B4GALNT3: variants seen among roughly 807,000 people sequenced by gnomAD.
The protein encoded by B4GALNT3 is beta-1,4-N-acetyl-galactosaminyltransferase 3.
Under a neutral mutation model 120.2 loss-of-function variants are expected in B4GALNT3, and 86 were observed. The ratio of observed to expected loss-of-function variants is 0.72; its 90% CI spans 0.60 to 0.86. The LOEUF is 0.86. Among genes scored for constraint, B4GALNT3 ranks in the 40% least tolerant of loss-of-function variants. The probability of loss-of-function intolerance (pLI) is 0.00; values close to 1 mark genes in which losing one functional copy is unlikely to be tolerated. For missense variants in B4GALNT3, 1,167 were observed against 1,298.9 expected (o/e 0.90, Z 1.56); for synonymous variants, 518 against 510.4 (o/e 1.01, Z -0.20).
intron 1 of B4GALNT3, among the ~76,000 whole-genome samples, chr12:479,327 G>A (rs1242947475): frequency 1.3e-5 from 2 of 152,160 alleles, no homozygotes; most frequent in Non-Finnish European, 2.9e-5. Context: ...TTACAAGCAC[G>A]TGCCACCGTG....
At chr12:463,663 G>A (rs1183649468) in intron 1 of B4GALNT3, among the ~76,000 whole-genome samples, 2 of 152,190 alleles carry the variant, frequency 1.3e-5, no homozygotes, top group African/African-American at 4.8e-5. Flanking sequence ...TTGAAATGGG[G>A]GCACAGCTCT....
At chr12:499,198 G>A (rs1050484199) in intron 1 of B4GALNT3, among the ~76,000 whole-genome samples, 1 of 152,232 alleles carries the variant, frequency 6.6e-6, no homozygotes, top group African/African-American at 2.4e-5. Flanking sequence ...ACCTGGCTGT[G>A]GTCACTCTTA....
At chr12:470,192 T>C (rs1177872528) in intron 1 of B4GALNT3, among the ~76,000 whole-genome samples, 1 of 152,216 alleles carries the variant, frequency 6.6e-6, no homozygotes, top group Non-Finnish European at 1.5e-5. Flanking sequence ...CCCTGGTCTT[T>C]CAAGGCTCAG....
At position 460,702 on chromosome 12, in the gene B4GALNT3, C is replaced by G. The variant is rs903756019; in HGVS notation, c.169+157C>G. On this transcript the variant is annotated intron_variant, in intron 1 of 19. Coordinates refer to ENST00000266383, the MANE Select transcript of B4GALNT3 (RefSeq NM_173593.4). This position sits in a 1 kb window ranked among gnomAD's most constrained non-coding sequence, Gnocchi z 8.0. Reference sequence around the variant, plus strand: ...TCGCCCCGCGCGTACTCGGGGAGAGCTGCGGGCGGGGGAAGCCGCGGGGCC... The same window carrying G: ...TCGCCCCGCGCGTACTCGGGGAGAGGTGCGGGCGGGGGAAGCCGCGGGGCC... 6.6e-6 allele frequency among the ~76,000 whole-genome samples: 1 copy of G among 152,044 alleles called. No individual in the cohort carries two copies.
intron 1 of B4GALNT3, among the ~76,000 whole-genome samples, chr12:486,972 G>A (rs534338418): frequency 1.3e-5 from 2 of 152,200 alleles, no homozygotes; most frequent in East Asian, 3.9e-4. Flanking sequence ...GATGGCTAAT[G>A]TAAGCAGAAA....
Position 553,769 on chromosome 12 carries a change from G to C in B4GALNT3, c.1846G>C (p.Glu616Gln). The C allele has an allele frequency of 6.2e-7, 1 of 1,614,190 alleles. No homozygotes were observed. Among genetic ancestry groups the C allele is most frequent in the Non-Finnish European group, 8.5e-7 (1 of 1,179,992 alleles). ...AGAGGGGGAAGAAGAGGAGGAGGAA[G>C]AGGATATGAGTGAGGTGTTCGAGTA... ...EEEGEEEEEEEDMSEVFEYVP... is the reference protein window; with the variant it reads ...EEEGEEEEEEQDMSEVFEYVP... The change falls in exon 14 of 20, where the codon GAG becomes CAG. Residue 616 changes from glutamate to glutamine, a missense_variant. Transcript: ENST00000266383.
At chr12:526,448 T>C (rs763337591) in intron 1 of B4GALNT3, among the ~76,000 whole-genome samples, 53 of 152,218 alleles carry the variant, frequency 3.5e-4, no homozygotes, top group Non-Finnish European at 6.8e-4. Flanking sequence ...TTCAGAAAAG[T>C]CAGTACTGAC....
In B4GALNT3 at chr12:553,561, GC is replaced by G; in HGVS notation, c.1641del (p.Arg548GlyfsTer15). 4 of 1,613,888 alleles carry G rather than the reference GC, an allele frequency of 2.5e-6. No individual in the cohort carries two copies. The highest frequency in any genetic ancestry group is 3.4e-6 in the Non-Finnish European group (4 of 1,179,910). On this transcript the variant is annotated frameshift_variant, in exon 14 of 20. Coordinates refer to ENST00000266383, the MANE Select transcript of B4GALNT3 (RefSeq NM_173593.4). LOFTEE classifies it high-confidence loss of function. ...PVKNLPQMRG[P>X]RPRPAGDSPR... ...TGAAGAACCTGCCTCAGATGAGGGG[GC>G]CCAGGCCCAGGCCCGCTGGTGACAG...
At chr12:502,899 G>A (rs1003765517) in intron 1 of B4GALNT3, among the ~76,000 whole-genome samples, 10 of 152,108 alleles carry the variant, frequency 6.6e-5, no homozygotes, top group Admixed American at 2.6e-4. Flanking sequence ...GACTACAGGC[G>A]TGAGCCACTA....
intron 1 of B4GALNT3, among the ~76,000 whole-genome samples, chr12:501,155 G>A (rs1051377010): frequency 6.6e-6 from 1 of 152,024 alleles, no homozygotes; most frequent in Non-Finnish European, 1.5e-5. Context: ...GATTATAGGC[G>A]TGAGCCATTG....
chr12:531,566 C>A (rs1276372327), intron 1 of B4GALNT3, among the ~76,000 whole-genome samples: 1 of 151,986 alleles, frequency 6.6e-6, no homozygotes, highest in Admixed American at 6.6e-5. Context: ...GGGAGGATTT[C>A]TTGAGCTTAG....
intron 3 of B4GALNT3, among the ~76,000 whole-genome samples, chr12:536,783 AC>A (rs1315592997): frequency 1.3e-5 from 2 of 152,184 alleles, no homozygotes; most frequent in African/African-American, 4.8e-5. Flanking sequence ...CAGCTTTGCG[AC>A]CCTGTGGAAT....
At chr12:513,104 C>T (rs1358597534) in intron 1 of B4GALNT3, among the ~76,000 whole-genome samples, 1 of 150,274 alleles carries the variant, frequency 6.7e-6, no homozygotes, top group East Asian at 2.0e-4. Context: ...CGCCTTCCAC[C>T]TTCTGCCTTC....
chr12:462,711 G>T (rs1946033411), intron 1 of B4GALNT3, among the ~76,000 whole-genome samples: 1 of 152,024 alleles, frequency 6.6e-6, no homozygotes, highest in South Asian at 2.1e-4. Context: ...TGTGCAGGGT[G>T]TCTTTTTGTC....
Position 542,074 on chromosome 12 carries a change from G to A in B4GALNT3, c.352-2265G>A, listed in dbSNP as rs573027616. Among the ~76,000 whole-genome samples, 207 of 151,960 alleles carry A rather than the reference G, an allele frequency of 1.4e-3. 1 individual carries two copies. The highest frequency in any genetic ancestry group is 4.9e-3 in the African/African-American group (202 of 41,424). On this transcript the variant is annotated intron_variant, in intron 3 of 19. Transcript: ENST00000266383. ...CTTTCCTTCCTTGAAGCCTTAACCCGCCACCCACCTACCCAGCCTACTTTC... is the reference window on the plus strand; with the variant it reads ...CTTTCCTTCCTTGAAGCCTTAACCCACCACCCACCTACCCAGCCTACTTTC...
intron 1 of B4GALNT3, among the ~76,000 whole-genome samples, chr12:472,428 A>C (rs7310180): frequency 0.067 from 10,196 of 152,168 alleles, 592 homozygotes; most frequent in African/African-American, 0.16. Context: ...CTGCAGGTGC[A>C]TGCCACCATG....
At chr12:534,698 C>T (rs376597294) in intron 1 of B4GALNT3, among the ~76,000 whole-genome samples, 12 of 152,242 alleles carry the variant, frequency 7.9e-5, no homozygotes, top group African/African-American at 2.9e-4. Flanking sequence ...AGCTCCGGCT[C>T]TATCCAGCAA....
intron 4 of B4GALNT3, 62 bp from the exon 5 acceptor site, chr12:544,818 TCC>T: frequency 2.0e-6 from 3 of 1,526,022 alleles, no homozygotes; most frequent in Non-Finnish European, 2.7e-6. Flanking sequence ...TTCCCGCCAA[TCC>T]TGGCGGGAAG....
At position 528,891 on chromosome 12, in the gene B4GALNT3, C is replaced by A. The variant is rs115402743; in HGVS notation, c.170-6275C>A. Among the ~76,000 whole-genome samples the A allele has an allele frequency of 8.1e-3, 1,237 of 152,328 alleles. 20 individuals carry two copies. Among genetic ancestry groups the A allele is most frequent in the African/African-American group, 0.028 (1,169 of 41,570 alleles). ...CTCCTGCTCTCTAGTGGGAGAAGGG[C>A]TCTGTTTCCGTTCAGCTCCTCTGGA... is the stretch of plus-strand genomic sequence containing the variant. On this transcript the variant is annotated intron_variant, in intron 1 of 19. Coordinates refer to ENST00000266383, the MANE Select transcript of B4GALNT3 (RefSeq NM_173593.4).
Sources: gnomAD v4.1 joint callset for allele counts (sites outside exome capture counted in the v4.1 genomes callset) on GRCh38, gnomAD v4.1.1 for gene constraint, Gnocchi (gnomAD v3.1) non-coding constraint, MANE v1.5 for transcripts, NCBI Gene and HGNC (gene_info 2026-07-23, HGNC 2026-07-21) for gene names.